CLEC16A: variants seen among roughly 807,000 people sequenced by gnomAD.
CLEC16A encodes protein CLEC16A.
In CLEC16A, 51 loss-of-function variants were observed where a neutral mutation model predicts 109.5. The observed-to-expected ratio is 0.47, with a 90% CI of 0.37 to 0.59. The LOEUF is 0.59. Ranked by LOEUF, CLEC16A falls within the 20% of genes least tolerant of loss-of-function variation. The pLI is 0.00. For synonymous variants in CLEC16A, 673 were observed against 564.2 expected (o/e 1.19, Z -2.73); for missense variants, 1,339 against 1,394.0 (o/e 0.96, Z 0.63).
chr16:10,965,962 G>A (rs1410440016), intron 3 of CLEC16A, among the ~76,000 whole-genome samples: 1 of 152,132 alleles, frequency 6.6e-6, no homozygotes, highest in Non-Finnish European at 1.5e-5. Context: ...TGTGCTGCTG[G>A]TGGTCTGGAA....
At chr16:11,130,209 T>C (rs1370746285) in intron 22 of CLEC16A, among the ~76,000 whole-genome samples, 1 of 152,244 alleles carries the variant, frequency 6.6e-6, no homozygotes, top group Admixed American at 6.5e-5. Context: ...CGCCTAGCTC[T>C]GTGCCCCCAC....
intron 22 of CLEC16A, among the ~76,000 whole-genome samples, chr16:11,144,409 A>G (rs1191353343): frequency 6.6e-6 from 1 of 151,890 alleles, no homozygotes. Flanking sequence ...GTACCTCCAC[A>G]ACTTCTGTGG....
At chr16:11,109,535 T>A (rs2051440540) in intron 19 of CLEC16A, among the ~76,000 whole-genome samples, 1 of 152,120 alleles carries the variant, frequency 6.6e-6, no homozygotes, top group African/African-American at 2.4e-5. Context: ...AAGCCAGCAA[T>A]GCTCAGTGTT....
chr16:11,157,607 C>T (rs183159549), intron 22 of CLEC16A, among the ~76,000 whole-genome samples: 1 of 152,338 alleles, frequency 6.6e-6, no homozygotes, highest in Non-Finnish European at 1.5e-5. Flanking sequence ...CTTGGAGTCA[C>T]TGCTATCTGA....
chr16:11,168,180 C>T (rs974168341), intron 23 of CLEC16A, among the ~76,000 whole-genome samples: 6 of 152,088 alleles, frequency 3.9e-5, no homozygotes, highest in Non-Finnish European at 7.4e-5. Context: ...TGAATGTGAC[C>T]CCTGAGGCTT....
Position 10,957,882 on chromosome 16 carries a change from G to A in CLEC16A, c.181G>A (p.Gly61Arg), listed in dbSNP as rs764839746. The part of the protein sequence containing the change: ...IRSITEILIW[G>R]DQNDSSVFDF... ...TTCCATCACTGAGATCCTGATCTGGGGAGATCAAAATGACAGCTCTGTATT... is the reference window on the plus strand; with the variant it reads ...TTCCATCACTGAGATCCTGATCTGGAGAGATCAAAATGACAGCTCTGTATT... The change falls in exon 2 of 24, where the codon GGA becomes AGA. Residue 61 changes from glycine to arginine, a missense_variant. Transcript: ENST00000409790. The A allele has an allele frequency of 1.2e-6, 2 of 1,613,750 alleles. No individual in the cohort carries two copies. Among genetic ancestry groups the A allele is most frequent in the Non-Finnish European group, 1.7e-6 (2 of 1,179,700 alleles).
At chr16:11,115,138 A>T (rs968568800) in intron 19 of CLEC16A, among the ~76,000 whole-genome samples, 1 of 152,118 alleles carries the variant, frequency 6.6e-6, no homozygotes, top group Non-Finnish European at 1.5e-5. Flanking sequence ...AACCCCATTG[A>T]CACTGACGTG....
Position 10,968,403 on chromosome 16 carries a change from A to AG in CLEC16A, c.344-755dup, listed in dbSNP as rs1408888623. Among the ~76,000 whole-genome samples the AG allele has an allele frequency of 1.3e-4, 20 of 152,220 alleles. 1 individual carries two copies. The highest frequency in any genetic ancestry group is 1.5e-4 in the Non-Finnish European group (10 of 68,044). On this transcript the variant is annotated intron_variant, in intron 3 of 23. Transcript: ENST00000409790. ...TCACCATACTGGCCTGCATTTCTGC[A>AG]GGGCCAGGCGCTGGGAGCTGGGGAA...
At chr16:11,123,714 G>A in intron 20 of CLEC16A, 28 bp from the exon 21 acceptor site, 1 of 1,612,096 alleles carries the variant, frequency 6.2e-7, no homozygotes. Flanking sequence ...CCCAACGAAT[G>A]CCTTTTCCTT....
intron 23 of CLEC16A, among the ~76,000 whole-genome samples, chr16:11,173,455 G>A (rs1567420167): frequency 6.6e-6 from 1 of 150,804 alleles, no homozygotes; most frequent in African/African-American, 2.5e-5. Context: ...CGGCCACCTG[G>A]CACCTGGTCT....
intron 19 of CLEC16A, among the ~76,000 whole-genome samples, chr16:11,067,912 C>A (rs2048857709): frequency 6.6e-6 from 1 of 152,204 alleles, no homozygotes. Context: ...CCGGCGTGTT[C>A]TCCAAACCGT....
At chr16:10,980,477 C>T (rs1238675157) in intron 9 of CLEC16A, among the ~76,000 whole-genome samples, 2 of 151,962 alleles carry the variant, frequency 1.3e-5, no homozygotes, top group African/African-American at 4.8e-5. Flanking sequence ...GTTCTCAGCC[C>T]CAGGAATCAT....
intron 11 of CLEC16A, among the ~76,000 whole-genome samples, chr16:11,005,478 A>G (rs947271811): frequency 1.3e-5 from 2 of 152,164 alleles, no homozygotes; most frequent in Admixed American, 1.3e-4. Context: ...ATGGCTCTCA[A>G]TGACCTGTGC....
chr16:10,948,564 T>C (rs1279460913), intron 1 of CLEC16A, among the ~76,000 whole-genome samples: 1 of 152,240 alleles, frequency 6.6e-6, no homozygotes, highest in African/African-American at 2.4e-5. Context: ...ACATCATCTT[T>C]ACCAGGGACT....
intron 11 of CLEC16A, among the ~76,000 whole-genome samples, chr16:11,004,396 G>A (rs1369569620): frequency 6.6e-6 from 1 of 152,124 alleles, no homozygotes; most frequent in East Asian, 1.9e-4. Flanking sequence ...GGAAGGTCTG[G>A]CCACACTTTC....
At chr16:10,948,145 GA>G (rs2041520995) in intron 1 of CLEC16A, among the ~76,000 whole-genome samples, 1 of 152,140 alleles carries the variant, frequency 6.6e-6, no homozygotes, top group Non-Finnish European at 1.5e-5. Context: ...TGCCCTCCTT[GA>G]CCTCCCAAAG....
intron 19 of CLEC16A, among the ~76,000 whole-genome samples, chr16:11,115,274 G>A (rs565681128): frequency 3.9e-5 from 6 of 152,286 alleles, no homozygotes; most frequent in African/African-American, 1.2e-4. Flanking sequence ...GGGGAAGGAG[G>A]ATAGAAAGAG....
At chr16:11,007,404 C>T (rs539717541) in intron 11 of CLEC16A, among the ~76,000 whole-genome samples, 3 of 152,296 alleles carry the variant, frequency 2.0e-5, no homozygotes, top group East Asian at 1.9e-4. Context: ...CAGCCCCAGG[C>T]CTGGCAGTGT....
At chr16:11,094,308 G>A (rs930906920) in intron 19 of CLEC16A, among the ~76,000 whole-genome samples, 15 of 152,218 alleles carry the variant, frequency 9.9e-5, no homozygotes, top group African/African-American at 3.6e-4. Context: ...TGACTCAGAA[G>A]CTCTGCGCCT....
Sources: gnomAD v4.1 joint callset for allele counts (sites outside exome capture counted in the v4.1 genomes callset) on GRCh38, gnomAD v4.1.1 for gene constraint, MANE v1.5 for transcripts, NCBI Gene and HGNC (gene_info 2026-07-23, HGNC 2026-07-21) for gene names.